POLR1A: variants seen among roughly 807,000 people sequenced by gnomAD.
POLR1A encodes the protein RNA polymerase I subunit A.
A neutral mutation model predicts 205.3 loss-of-function variants in POLR1A; 84 were observed. The ratio of observed to expected loss-of-function variants is 0.41; its 90% CI spans 0.34 to 0.49. The LOEUF (loss-of-function observed/expected upper bound fraction) is 0.49, where lower values mean the gene tolerates loss of function less well. POLR1A is among the 20% of genes least tolerant of loss of function. POLR1A has a pLI of 0.22. For missense variants in POLR1A, 1,645 were observed against 2,204.5 expected (o/e 0.75, Z 5.08); for synonymous variants, 799 against 863.7 (o/e 0.93, Z 1.31).
chr2:86,093,355 C>G (rs1449193501), intron 3 of POLR1A, among the ~76,000 whole-genome samples: 2 of 152,148 alleles, frequency 1.3e-5, no homozygotes, highest in African/African-American at 4.8e-5. Flanking sequence ...AACCATTTGA[C>G]AGTACACTGC....
In POLR1A at chr2:86,052,812, C is replaced by G. The variant is rs746960346; in HGVS notation, c.2392+5G>C. On this transcript the variant is annotated splice_donor_5th_base_variant and intron_variant, in intron 16 of 33. Coordinates refer to ENST00000263857, the MANE Select transcript of POLR1A (RefSeq NM_015425.6). ...CTGCCCCAGGGCAGCGAGCCCGGCACTTACCCAAGGTGAAGCCTCTGTAGA... is the reference window on the plus strand; with the variant it reads ...CTGCCCCAGGGCAGCGAGCCCGGCAGTTACCCAAGGTGAAGCCTCTGTAGA... 12 of 1,514,704 alleles carry G rather than the reference C, an allele frequency of 7.9e-6. No homozygotes were observed. The highest frequency in any genetic ancestry group is 8.9e-7 in the Non-Finnish European group (1 of 1,127,260). The allele number at this position is 1,514,704 out of a possible 1,614,324, so 93.8% of individuals were successfully genotyped here.
intron 11 of POLR1A, among the ~76,000 whole-genome samples, chr2:86,075,662 C>T (rs567851724): frequency 2.6e-4 from 40 of 152,248 alleles, no homozygotes; most frequent in Admixed American, 2.2e-3. Flanking sequence ...GCACACACTA[C>T]CACACCTGGC....
chr2:86,030,889 A>T (rs578171062), intron 30 of POLR1A, among the ~76,000 whole-genome samples: 1 of 152,290 alleles, frequency 6.6e-6, no homozygotes, highest in Admixed American at 6.5e-5. Context: ...GTGTGTGGGG[A>T]ACTGAAGTGT....
At chr2:86,091,068 G>A (rs764514007) in intron 3 of POLR1A, among the ~76,000 whole-genome samples, 2 of 150,830 alleles carry the variant, frequency 1.3e-5, no homozygotes, top group East Asian at 1.9e-4. Context: ...ATAGTAAGCC[G>A]GAACACAAAG....
At chr2:86,065,719 C>T (rs1391250738) in intron 13 of POLR1A, 12 of 427,482 alleles carry the variant, frequency 2.8e-5, no homozygotes, top group Middle Eastern at 6.0e-4. Flanking sequence ...AAACTCATCC[C>T]GTTCCCCCGG....
In POLR1A at chr2:86,022,407, G is replaced by C. The variant is rs1007312032; in HGVS notation, c.*5016C>G. The C allele has an allele frequency of 1.3e-5, 2 of 152,190 alleles. No individual in the cohort carries two copies. Among genetic ancestry groups the C allele is most frequent in the African/African-American group, 4.8e-5 (2 of 41,428 alleles). The allele number at this position is 152,190 out of a possible 1,614,324, so 9.4% of individuals were successfully genotyped here. A position where few individuals can be genotyped will look rare whatever the true frequency, so the allele number is the denominator to read the frequency against. ...TTAAGATCCTACTGCAGAAACCTAG[G>C]GCCAGTGACTCCTTGAGATGTCATC... On this transcript the variant is annotated 3_prime_UTR_variant, in exon 34 of 34. Transcript: ENST00000263857.
chr2:86,036,902 C>T (rs1363858944), intron 27 of POLR1A: 2 of 152,250 alleles, frequency 1.3e-5, no homozygotes, highest in Non-Finnish European at 2.9e-5. Context: ...AAGTGATTTC[C>T]TATTTTCAAT....
At chr2:86,032,176 CAG>C in intron 29 of POLR1A, 94 bp downstream of exon 29, 1 of 845,026 alleles carries the variant, frequency 1.2e-6, no homozygotes, top group Non-Finnish European at 2.0e-6. Flanking sequence ...GTTCATGACA[CAG>C]AGGTGTGGCC....
intron 27 of POLR1A, among the ~76,000 whole-genome samples, chr2:86,035,432 C>A (rs1672477560): frequency 6.6e-6 from 1 of 152,218 alleles, no homozygotes; most frequent in Non-Finnish European, 1.5e-5. Context: ...GGGCCTTGAT[C>A]TCATCTGCAA....
chr2:86,045,856 C>T (rs1672701418), intron 19 of POLR1A, 87 bp from the exon 20 acceptor site: 3 of 1,219,290 alleles, frequency 2.5e-6, no homozygotes, highest in Non-Finnish European at 3.5e-6. Context: ...ATAATCTGAC[C>T]TTGAAGAAAA....
chr2:86,069,806 T>C (rs1457119472), intron 13 of POLR1A, among the ~76,000 whole-genome samples: 1 of 152,182 alleles, frequency 6.6e-6, no homozygotes, highest in Non-Finnish European at 1.5e-5. Flanking sequence ...TCTGTCCTGA[T>C]TTACATTTTA....
intron 6 of POLR1A, among the ~76,000 whole-genome samples, chr2:86,085,141 T>G (rs996459624): frequency 4.6e-5 from 7 of 152,122 alleles, no homozygotes; most frequent in African/African-American, 1.7e-4. Flanking sequence ...TTTTGTATTT[T>G]TAGTAGAGAC....
chr2:86,038,498 G>T (rs7599656), intron 27 of POLR1A, among the ~76,000 whole-genome samples: 2,596 of 152,316 alleles, frequency 0.017, 60 homozygotes, highest in African/African-American at 0.045. Context: ...GTGTGGCTAA[G>T]AAAGTCATAC....
intron 22 of POLR1A, 86 bp from the exon 23 acceptor site, chr2:86,043,281 C>T: frequency 8.9e-7 from 1 of 1,119,890 alleles, no homozygotes; most frequent in East Asian, 2.4e-5. Context: ...CCATGGAGCA[C>T]AAATTCAGGG....
intron 26 of POLR1A, 136 bp from the exon 27 acceptor site, chr2:86,038,993 G>A (rs1472315855): frequency 1.3e-6 from 1 of 782,604 alleles, no homozygotes; most frequent in Admixed American, 2.4e-5. Flanking sequence ...AAACCCTGGT[G>A]AGCTATACTG....
intron 11 of POLR1A, among the ~76,000 whole-genome samples, chr2:86,075,480 A>G (rs1673264262): frequency 6.6e-6 from 1 of 152,106 alleles, no homozygotes; most frequent in Non-Finnish European, 1.5e-5. Flanking sequence ...AGTTAGTCTG[A>G]GGAGAATAAT....
intron 6 of POLR1A, among the ~76,000 whole-genome samples, chr2:86,088,042 A>G: frequency 6.6e-6 from 1 of 152,194 alleles, no homozygotes; most frequent in East Asian, 1.9e-4. Flanking sequence ...AAAAAGTGGG[A>G]GTATTAAGTT....
Position 86,028,546 on chromosome 2 carries a change from C to T in POLR1A, c.4897+48G>A. Reference sequence around the variant, plus strand: ...ACCCTCCTGCCGAGCCTTCTGGTGTCCTGGCTGGTGCCCAGACCTCGGGGT... The same window carrying T: ...ACCCTCCTGCCGAGCCTTCTGGTGTTCTGGCTGGTGCCCAGACCTCGGGGT... On this transcript the variant is annotated intron_variant, in intron 32 of 33. Coordinates refer to ENST00000263857, the MANE Select transcript of POLR1A (RefSeq NM_015425.6). The surrounding 1 kb of genome is among the most constrained non-coding windows in gnomAD (Gnocchi z 4.5). The T allele has an allele frequency of 7.2e-7, 1 of 1,394,966 alleles. No individual in the cohort carries two copies. The highest frequency in any genetic ancestry group is 1.0e-6 in the Non-Finnish European group (1 of 980,028). The allele number at this position is 1,394,966 out of a possible 1,614,324, so 86.4% of individuals were successfully genotyped here.
chr2:86,078,692 G>A (rs1207089442), intron 9 of POLR1A, among the ~76,000 whole-genome samples: 2 of 152,080 alleles, frequency 1.3e-5, no homozygotes, highest in Non-Finnish European at 1.5e-5. Flanking sequence ...TTTTATTTAT[G>A]GCTTTGAAAA....
Sources: allele counts gnomAD v4.1 joint callset (sites outside exome capture counted in the v4.1 genomes callset), GRCh38; gene constraint gnomAD v4.1.1; non-coding constraint Gnocchi (gnomAD v3.1); transcripts MANE v1.5; gene names NCBI Gene and HGNC (gene_info 2026-07-23, HGNC 2026-07-21).